SETD5: variants seen among roughly 807,000 people sequenced by gnomAD.
SETD5 encodes the protein SET domain containing 5.
A neutral mutation model predicts 153.3 loss-of-function variants in SETD5; 44 were observed. That is an observed-to-expected ratio of 0.29 (90% confidence interval 0.23 to 0.37). The LOEUF (loss-of-function observed/expected upper bound fraction) is 0.37. Ranked by LOEUF, SETD5 falls within the 10% of genes least tolerant of loss-of-function variation. The probability of loss-of-function intolerance (pLI) is 1.00; values close to 1 mark genes in which losing one functional copy is unlikely to be tolerated. For missense variants in SETD5, 1,544 were observed against 1,768.0 expected (o/e 0.87, Z 2.27); for synonymous variants, 716 against 645.2 (o/e 1.11, Z -1.66).
At chr3:9,427,137 T>G (rs2039370379) in intron 2 of SETD5, among the ~76,000 whole-genome samples, 1 of 152,206 alleles carries the variant, frequency 6.6e-6, no homozygotes, top group South Asian at 2.1e-4. Context: ...CCTTCCACCT[T>G]GGCCTCCTAA....
At chr3:9,470,152 A>G (rs2045136194) in intron 18 of SETD5, among the ~76,000 whole-genome samples, 1 of 152,194 alleles carries the variant, frequency 6.6e-6, no homozygotes, top group Admixed American at 6.5e-5. Flanking sequence ...AAGGTGACTC[A>G]GCAACCTGAT....
At chr3:9,417,076 G>A (rs1036404047) in intron 1 of SETD5, among the ~76,000 whole-genome samples, 1 of 152,098 alleles carries the variant, frequency 6.6e-6, no homozygotes, top group Non-Finnish European at 1.5e-5. Context: ...AGCCCAATAA[G>A]CATTAAGGAA....
At chr3:9,400,959 C>G (rs1485212308) in intron 1 of SETD5, among the ~76,000 whole-genome samples, 1 of 152,188 alleles carries the variant, frequency 6.6e-6, no homozygotes, top group Non-Finnish European at 1.5e-5. Flanking sequence ...TGCTGTTTTT[C>G]TTCCCCAAGA....
intron 19 of SETD5, among the ~76,000 whole-genome samples, chr3:9,472,655 T>C (rs916003472): frequency 2.0e-5 from 3 of 152,108 alleles, no homozygotes; most frequent in Admixed American, 6.6e-5. Context: ...TCCTGGAGCA[T>C]TGGGTTTTTC....
At chr3:9,456,623 G>A (rs770035914) in intron 17 of SETD5, among the ~76,000 whole-genome samples, 3 of 151,924 alleles carry the variant, frequency 2.0e-5, no homozygotes, top group Non-Finnish European at 2.9e-5. Context: ...ATTATTATAC[G>A]GTCATTATTC....
chr3:9,439,098 A>G (rs183076991), intron 7 of SETD5, among the ~76,000 whole-genome samples: 4 of 152,308 alleles, frequency 2.6e-5, no homozygotes, highest in African/African-American at 9.6e-5. Flanking sequence ...AGCTGGGAAT[A>G]TTGTTTGGAC....
At chr3:9,429,189 G>GA (rs1419304052) in intron 3 of SETD5, 180 bp downstream of exon 3, 2 of 390,002 alleles carry the variant, frequency 5.1e-6, no homozygotes, top group Non-Finnish European at 9.2e-6. Flanking sequence ...ATTAGAAGGG[G>GA]AAGGAAGAGT....
chr3:9,407,426 G>A (rs922462619), intron 1 of SETD5, among the ~76,000 whole-genome samples: 4 of 152,160 alleles, frequency 2.6e-5, no homozygotes, highest in African/African-American at 9.7e-5. Context: ...TTTTAGAGAA[G>A]GAAGGCTCTA....
chr3:9,399,213 T>C (rs2034317281), intron 1 of SETD5, among the ~76,000 whole-genome samples: 1 of 152,220 alleles, frequency 6.6e-6, no homozygotes, highest in Admixed American at 6.5e-5. Context: ...ATACTTGTGA[T>C]TGGGGAGGAT....
intron 19 of SETD5, 136 bp downstream of exon 19, chr3:9,471,065 AAGAC>A: frequency 3.3e-6 from 2 of 602,466 alleles, no homozygotes; most frequent in Non-Finnish European, 2.9e-6. Context: ...AATCCAGTGA[AAGAC>A]AGGCTGTTTT....
intron 17 of SETD5, among the ~76,000 whole-genome samples, chr3:9,460,961 A>T (rs370961624): frequency 6.6e-5 from 10 of 152,186 alleles, no homozygotes; most frequent in African/African-American, 2.2e-4. Flanking sequence ...AAATAAAGTG[A>T]TCCGTTTGAC....
chr3:9,410,022 A>T (rs2036309457), intron 1 of SETD5, among the ~76,000 whole-genome samples: 2 of 152,150 alleles, frequency 1.3e-5, no homozygotes, highest in Non-Finnish European at 2.9e-5. Flanking sequence ...AGAGATAGAG[A>T]TAGTCATGCC....
chr3:9,413,263 T>C, intron 1 of SETD5, among the ~76,000 whole-genome samples: 1 of 152,170 alleles, frequency 6.6e-6, no homozygotes, highest in East Asian at 1.9e-4. Flanking sequence ...TTTAATATTA[T>C]AAAGAAGTCT....
At chr3:9,450,298 T>A (rs1297224716) in intron 16 of SETD5, among the ~76,000 whole-genome samples, 1 of 152,216 alleles carries the variant, frequency 6.6e-6, no homozygotes, top group Non-Finnish European at 1.5e-5. Context: ...TTAATCTCAT[T>A]TATACAGGCT....
intron 19 of SETD5, 108 bp downstream of exon 19, chr3:9,471,037 G>A: frequency 1.6e-6 from 1 of 635,826 alleles, no homozygotes; most frequent in South Asian, 2.0e-5. Context: ...TCAGACAAGT[G>A]AGACATAGTC....
chr3:9,440,750 C>T, intron 8 of SETD5, 52 bp downstream of exon 8: 3 of 1,569,242 alleles, frequency 1.9e-6, no homozygotes, highest in East Asian at 4.6e-5. Flanking sequence ...TTTAAGAACC[C>T]AGGAAGAGGG....
chr3:9,426,867 C>T (rs1482565176), intron 2 of SETD5, among the ~76,000 whole-genome samples: 2 of 152,068 alleles, frequency 1.3e-5, no homozygotes, highest in Non-Finnish European at 2.9e-5. Flanking sequence ...CTATATGTCA[C>T]CTCCAATTGG....
Position 9,475,468 on chromosome 3 carries a change from C to T in SETD5, c.3721-15C>T, listed in dbSNP as rs1294521318. On this transcript the variant is annotated splice_polypyrimidine_tract_variant and intron_variant, in intron 22 of 22. Transcript: ENST00000402198. ...TTGTTCGCGTCCTTATTCGTTTCCT[C>T]CCAACTTTGTCTAGCTCCTGCAGTG... The T allele has an allele frequency of 6.3e-7, 1 of 1,598,016 alleles. No homozygotes were observed.
At position 9,419,145 on chromosome 3, in the gene SETD5, C is replaced by A. The variant is rs535120871; in HGVS notation, c.-176-5322C>A. ...CCCGGCCCACTTACAGGATTTTTCTCCCCCTTCATGGTTGTATAAATGCAG... is the reference window on the plus strand; with the variant it reads ...CCCGGCCCACTTACAGGATTTTTCTACCCCTTCATGGTTGTATAAATGCAG... On this transcript the variant is annotated intron_variant, in intron 1 of 22. Transcript: ENST00000402198. Among the ~76,000 whole-genome samples the A allele has an allele frequency of 9.3e-3, 1,409 of 152,250 alleles. 19 individuals are homozygous for A. Among genetic ancestry groups the A allele is most frequent in the Non-Finnish European group, 0.013 (895 of 68,000 alleles).
Sources: gnomAD v4.1 joint callset for allele counts (sites outside exome capture counted in the v4.1 genomes callset) on GRCh38, gnomAD v4.1.1 for gene constraint, MANE v1.5 for transcripts, NCBI Gene and HGNC (gene_info 2026-07-23, HGNC 2026-07-21) for gene names.